Variants in SRGAP3 observed in about 807,000 individuals in gnomAD.
SRGAP3 encodes SLIT-ROBO Rho GTPase activating protein 3.
A neutral mutation model predicts 121.1 loss-of-function variants in SRGAP3; 39 were observed. The observed-to-expected ratio is 0.32, with a 90% CI of 0.25 to 0.42. SRGAP3 has a LOEUF of 0.42. Ranked by LOEUF, SRGAP3 falls within the 10% of genes least tolerant of loss-of-function variation. SRGAP3 has a pLI of 1.00. For synonymous variants in SRGAP3, 601 were observed against 570.0 expected, an observed-to-expected ratio of 1.05 and a Z score of -0.77; for missense variants, 1,213 against 1,470.6, an observed-to-expected ratio of 0.82 and a Z score of 2.86.
At chr3:9,164,954 T>C (rs902878178) in intron 1 of SRGAP3, among the ~76,000 whole-genome samples, 1 of 152,242 alleles carries the variant, frequency 6.6e-6, no homozygotes, top group Non-Finnish European at 1.5e-5. Flanking sequence ...CCAGTCTGTT[T>C]CCCTGCTCCG....
At chr3:9,343,845 T>A (rs943181745) in intron 1 of SRGAP3, among the ~76,000 whole-genome samples, 19 of 152,144 alleles carry the variant, frequency 1.2e-4, no homozygotes, top group African/African-American at 4.6e-4. Context: ...ATTTTTGTAT[T>A]TTTTGTAGGG....
intron 17 of SRGAP3, among the ~76,000 whole-genome samples, chr3:9,011,793 C>A (rs1050562816): frequency 7.7e-5 from 11 of 141,996 alleles, no homozygotes; most frequent in African/African-American, 2.1e-4. Context: ...GTGCTGAGAC[C>A]CTCAGCCAAG....
intron 4 of SRGAP3, among the ~76,000 whole-genome samples, chr3:9,078,498 T>G (rs17050011): frequency 2.6e-5 from 4 of 151,990 alleles, no homozygotes; most frequent in African/African-American, 9.7e-5. Context: ...CTCACACCCA[T>G]CAAGGAGGAG....
intron 2 of SRGAP3, among the ~76,000 whole-genome samples, chr3:9,113,145 G>A (rs1164529499): frequency 6.6e-6 from 1 of 152,200 alleles, no homozygotes; most frequent in Non-Finnish European, 1.5e-5. Context: ...CGTGCATGGG[G>A]CTGCGTACTA....
At chr3:9,166,032 C>T (rs1950774266) in intron 1 of SRGAP3, among the ~76,000 whole-genome samples, 2 of 152,176 alleles carry the variant, frequency 1.3e-5, no homozygotes, top group Admixed American at 6.5e-5. Flanking sequence ...GTTGAATACA[C>T]AATAATGAGT....
rs540146876 is a variant in SRGAP3, at chr3:9,082,636, C to T, written c.424-2549G>A. ...GAGTTTCTGTATCGAAAATGGGAGCCGTGATCTTGGCTCCCTGAGCAGCTG... is the reference window on the plus strand; with the variant it reads ...GAGTTTCTGTATCGAAAATGGGAGCTGTGATCTTGGCTCCCTGAGCAGCTG... On this transcript the variant is annotated intron_variant, in intron 3 of 21. Transcript: ENST00000383836. Among the ~76,000 whole-genome samples, 5 of 152,328 alleles carry T rather than the reference C, an allele frequency of 3.3e-5. No homozygotes were observed. In the South Asian group the frequency reaches 6.2e-4, roughly 19 times the overall value.
chr3:9,163,445 G>A (rs987093452), intron 1 of SRGAP3, among the ~76,000 whole-genome samples: 12 of 152,202 alleles, frequency 7.9e-5, no homozygotes, highest in Admixed American at 5.2e-4. Context: ...CTCGGCTTTT[G>A]GTATTGACCG....
intron 1 of SRGAP3, among the ~76,000 whole-genome samples, chr3:9,233,479 C>T (rs995972036): frequency 4.3e-4 from 66 of 152,194 alleles, no homozygotes; most frequent in African/African-American, 1.5e-3. Flanking sequence ...TATTTACCAT[C>T]CTGAATAGAG....
At chr3:8,996,817 G>A (rs972657110) in intron 18 of SRGAP3, among the ~76,000 whole-genome samples, 5 of 152,200 alleles carry the variant, frequency 3.3e-5, no homozygotes, top group South Asian at 2.1e-4. Context: ...TCCTGGGTTC[G>A]CCCAGGGACT....
At chr3:9,197,352 T>G in intron 1 of SRGAP3, among the ~76,000 whole-genome samples, 1 of 152,274 alleles carries the variant, frequency 6.6e-6, no homozygotes, top group East Asian at 1.9e-4. Flanking sequence ...AAAGTCATCC[T>G]GCTGAGAACT....
At chr3:9,285,982 G>T (rs995818963) in intron 3 of SRGAP3, among the ~76,000 whole-genome samples, 1 of 151,612 alleles carries the variant, frequency 6.6e-6, no homozygotes, top group East Asian at 2.0e-4. Context: ...GCTTAGTGAC[G>T]TGCACCTGTA....
chr3:9,219,938 G>C (rs1952754052), intron 1 of SRGAP3, among the ~76,000 whole-genome samples: 1 of 152,144 alleles, frequency 6.6e-6, no homozygotes, highest in Non-Finnish European at 1.5e-5. Context: ...GGCACAAAAA[G>C]ATAAATATTA....
chr3:9,278,729 C>G (rs1464245280), intron 3 of SRGAP3, among the ~76,000 whole-genome samples: 1 of 152,182 alleles, frequency 6.6e-6, no homozygotes, highest in African/African-American at 2.4e-5. Context: ...TTCTCTGAAC[C>G]TTGGTGTCCT....
At chr3:9,034,590 AC>A (rs1402023109) in intron 11 of SRGAP3, 1 of 152,260 alleles carries the variant, frequency 6.6e-6, no homozygotes, top group East Asian at 1.9e-4. Context: ...ATATCATGCC[AC>A]CCAAACAATG....
At chr3:9,066,600 A>G (rs6787701) in intron 4 of SRGAP3, among the ~76,000 whole-genome samples, 64 of 152,200 alleles carry the variant, frequency 4.2e-4, no homozygotes, top group African/African-American at 1.5e-3. Flanking sequence ...CCTGGGTTCA[A>G]GTGATTCTCC....
intron 18 of SRGAP3, among the ~76,000 whole-genome samples, chr3:9,002,336 G>A (rs1325391494): frequency 6.6e-6 from 1 of 152,086 alleles, no homozygotes; most frequent in Non-Finnish European, 1.5e-5. Flanking sequence ...ACAGCATACT[G>A]CTAAATAACT....
chr3:8,987,778 G>A (rs1205504679), intron 21 of SRGAP3, among the ~76,000 whole-genome samples: 1 of 151,166 alleles, frequency 6.6e-6, no homozygotes, highest in East Asian at 1.9e-4. Flanking sequence ...GAGGCGCTGT[G>A]GGGGCAATTT....
At chr3:9,282,985 G>A (rs1376205641) in intron 3 of SRGAP3, among the ~76,000 whole-genome samples, 1 of 151,844 alleles carries the variant, frequency 6.6e-6, no homozygotes, top group Non-Finnish European at 1.5e-5. Flanking sequence ...CACTCAGGCT[G>A]GAGTGCAATG....
intron 1 of SRGAP3, among the ~76,000 whole-genome samples, chr3:9,224,605 C>G (rs4684628): frequency 0.32 from 48,617 of 152,038 alleles, 8,317 homozygotes; most frequent in Admixed American, 0.44. Flanking sequence ...AGGGCGAGTC[C>G]TTAAACAGAG....
Sources: gnomAD v4.1 joint callset for allele counts (sites outside exome capture counted in the v4.1 genomes callset) on GRCh38, gnomAD v4.1.1 for gene constraint, MANE v1.5 for transcripts, NCBI Gene and HGNC (gene_info 2026-07-23, HGNC 2026-07-21) for gene names.